ZFAND3: variants seen among roughly 807,000 people sequenced by gnomAD.
ZFAND3 encodes the protein AN1-type zinc finger protein 3.
Under a neutral mutation model 29.6 loss-of-function variants are expected in ZFAND3, and 10 were observed. That is an observed-to-expected ratio of 0.34 (90% CI 0.21 to 0.57). ZFAND3 has a LOEUF of 0.57. Among genes scored for constraint, ZFAND3 ranks in the 20% least tolerant of loss-of-function variants. The pLI, the probability that ZFAND3 is intolerant of heterozygous loss-of-function variation, is 0.86. For synonymous variants in ZFAND3, 128 were observed against 112.6 expected, an observed-to-expected ratio of 1.14 and a Z score of -0.87; for missense variants, 230 against 304.5, an observed-to-expected ratio of 0.76 and a Z score of 1.82.
At chr6:37,845,999 T>C (rs1047764877) in intron 1 of ZFAND3, among the ~76,000 whole-genome samples, 2 of 152,232 alleles carry the variant, frequency 1.3e-5, no homozygotes, top group Non-Finnish European at 2.9e-5. Context: ...TGAAGTGTTC[T>C]CTCATCTCTA....
intron 5 of ZFAND3, among the ~76,000 whole-genome samples, chr6:38,137,796 C>T (rs142268267): frequency 0.027 from 4,182 of 152,196 alleles, 86 homozygotes; most frequent in Non-Finnish European, 0.041. Flanking sequence ...GTGCCCTAGA[C>T]AGAACAAAGG....
intron 5 of ZFAND3, among the ~76,000 whole-genome samples, chr6:38,146,378 G>A (rs1244797355): frequency 2.0e-5 from 3 of 152,204 alleles, no homozygotes; most frequent in African/African-American, 7.2e-5. Context: ...AGAGGCCTCA[G>A]TCCAGAGGGC....
At chr6:37,899,052 C>T (rs191282248) in intron 1 of ZFAND3, among the ~76,000 whole-genome samples, 1 of 152,180 alleles carries the variant, frequency 6.6e-6, no homozygotes, top group African/African-American at 2.4e-5. Flanking sequence ...CCCGCCACCA[C>T]GCCTGGCTAA....
intron 2 of ZFAND3, among the ~76,000 whole-genome samples, chr6:37,943,354 C>T (rs115885295): frequency 0.016 from 2,482 of 152,274 alleles, 59 homozygotes; most frequent in African/African-American, 0.055. Flanking sequence ...CTTCCATCTT[C>T]TCCTCAACAC....
At chr6:37,894,263 G>A (rs11963886) in intron 1 of ZFAND3, among the ~76,000 whole-genome samples, 7,180 of 152,156 alleles carry the variant, frequency 0.047, 491 homozygotes, top group African/African-American at 0.15. Context: ...AAATAAAGCA[G>A]TTGTCTTTTA....
At chr6:37,854,343 G>A (rs914460984) in intron 1 of ZFAND3, among the ~76,000 whole-genome samples, 1 of 152,192 alleles carries the variant, frequency 6.6e-6, no homozygotes, top group South Asian at 2.1e-4. Flanking sequence ...CCATCTTTAG[G>A]GGAGACATGA....
At chr6:37,820,326 G>A (rs992996715) in intron 1 of ZFAND3, among the ~76,000 whole-genome samples, 2 of 152,348 alleles carry the variant, frequency 1.3e-5, no homozygotes, top group South Asian at 4.1e-4. Flanking sequence ...AGGGGGCGGC[G>A]TTGACCGCTC....
At chr6:37,958,342 T>C (rs911575570) in intron 2 of ZFAND3, among the ~76,000 whole-genome samples, 1 of 150,116 alleles carries the variant, frequency 6.7e-6, no homozygotes, top group African/African-American at 2.4e-5. Context: ...TAACCCCAGC[T>C]CCTCGGGAGG....
chr6:38,016,960 T>G (rs1360738452), intron 2 of ZFAND3, among the ~76,000 whole-genome samples: 1 of 152,162 alleles, frequency 6.6e-6, no homozygotes, highest in Non-Finnish European at 1.5e-5. Flanking sequence ...GTAGATGACC[T>G]CTCTCCCCCA....
At chr6:38,043,850 T>C (rs954065203) in intron 2 of ZFAND3, among the ~76,000 whole-genome samples, 1 of 152,066 alleles carries the variant, frequency 6.6e-6, no homozygotes, top group African/African-American at 2.4e-5. Flanking sequence ...TCACTGTTGC[T>C]CAGGCTGGTC....
At chr6:38,000,358 G>C (rs1306575492) in intron 2 of ZFAND3, among the ~76,000 whole-genome samples, 1 of 152,154 alleles carries the variant, frequency 6.6e-6, no homozygotes, top group Non-Finnish European at 1.5e-5. Flanking sequence ...GATCCTGACT[G>C]TATTTATTAG....
intron 2 of ZFAND3, among the ~76,000 whole-genome samples, chr6:37,971,993 T>A (rs1762396430): frequency 6.6e-6 from 1 of 151,630 alleles, no homozygotes; most frequent in African/African-American, 2.4e-5. Flanking sequence ...TAAAATAAAA[T>A]AAAATAAAAA....
chr6:37,958,562 A>G (rs1484348200), intron 2 of ZFAND3, among the ~76,000 whole-genome samples: 3 of 152,134 alleles, frequency 2.0e-5, no homozygotes, highest in East Asian at 1.9e-4. Context: ...CTAATTAGCA[A>G]TCCTGGAAGC....
intron 2 of ZFAND3, among the ~76,000 whole-genome samples, chr6:37,947,879 G>A (rs1761930044): frequency 6.6e-6 from 1 of 152,086 alleles, no homozygotes; most frequent in Non-Finnish European, 1.5e-5. Context: ...TGACATTGGA[G>A]CATTTAGCTT....
chr6:38,121,773 AT>A (rs1399492369), intron 5 of ZFAND3, among the ~76,000 whole-genome samples: 2 of 152,182 alleles, frequency 1.3e-5, no homozygotes, highest in East Asian at 3.8e-4. Flanking sequence ...GTTGATGTTA[AT>A]TTTGATATAC....
In ZFAND3 at chr6:38,154,458, A is replaced by G; in HGVS notation, c.*2069A>G. 1.0e-6 allele frequency: 1 copy of G among 985,688 alleles called. No individual in the cohort carries two copies. The highest frequency in any genetic ancestry group is 1.2e-6 in the Non-Finnish European group (1 of 829,798). 61.1% of individuals were successfully genotyped at this position (985,688 alleles called of 1,614,324 possible). On this transcript the variant is annotated 3_prime_UTR_variant, in exon 6 of 6. Coordinates refer to ENST00000287218, the MANE Select transcript of ZFAND3 (RefSeq NM_021943.3). ...ATGTAAGGAAAGCTTAAATTCTTGT[A>G]TCTTTAAAAGAGAAAATCTTATTTA...
intron 2 of ZFAND3, among the ~76,000 whole-genome samples, chr6:37,963,005 C>T (rs1445517012): frequency 1.3e-5 from 2 of 152,268 alleles, no homozygotes; most frequent in East Asian, 1.9e-4. Context: ...TGCGGCTTCA[C>T]TCCTGAAGTC....
At chr6:37,840,234 C>A (rs936914069) in intron 1 of ZFAND3, among the ~76,000 whole-genome samples, 1 of 151,916 alleles carries the variant, frequency 6.6e-6, no homozygotes, top group Non-Finnish European at 1.5e-5. Context: ...AATAGCTGGG[C>A]CTACAGGGAC....
chr6:37,925,165 C>T (rs928896159), intron 1 of ZFAND3, among the ~76,000 whole-genome samples: 5 of 151,942 alleles, frequency 3.3e-5, no homozygotes, highest in African/African-American at 7.3e-5. Context: ...GAAAATAACA[C>T]GCTCCAACTT....
Sources: gnomAD v4.1 joint callset for allele counts (sites outside exome capture counted in the v4.1 genomes callset) on GRCh38, gnomAD v4.1.1 for gene constraint, MANE v1.5 for transcripts, NCBI Gene and HGNC (gene_info 2026-07-23, HGNC 2026-07-21) for gene names.